Variants in HPGDS observed in about 807,000 individuals in gnomAD.
The protein encoded by HPGDS is GST class-sigma.
A neutral mutation model predicts 23.1 loss-of-function variants in HPGDS; 26 were observed. The observed-to-expected ratio is 1.13, with a 90% CI of 0.83 to 1.56. HPGDS has a LOEUF of 1.56. HPGDS is among the 40% of genes most tolerant of loss of function. The pLI is 0.00. For synonymous variants in HPGDS, 95 were observed against 77.9 expected, an observed-to-expected ratio of 1.22 and a Z score of -1.16; for missense variants, 268 against 236.4, an observed-to-expected ratio of 1.13 and a Z score of -0.88.
At chr4:94,330,859 G>A (rs1756722196) in intron 2 of HPGDS, among the ~76,000 whole-genome samples, 1 of 152,136 alleles carries the variant, frequency 6.6e-6, no homozygotes, top group Non-Finnish European at 1.5e-5. Flanking sequence ...AACTTCAGCC[G>A]AATTAAATTT....
chr4:94,302,748 G>A (rs963508614), intron 4 of HPGDS, among the ~76,000 whole-genome samples: 2 of 151,924 alleles, frequency 1.3e-5, no homozygotes, highest in Admixed American at 6.6e-5. Flanking sequence ...TTTCTCATTG[G>A]ACTACCATTG....
At chr4:94,340,314 T>TTTCTTTTCTTTC (rs1560598050) in intron 1 of HPGDS, among the ~76,000 whole-genome samples, 1 of 11,086 alleles carries the variant, frequency 9.0e-5, no homozygotes, top group Non-Finnish European at 1.7e-4. Context: ...TCTTTCTCTT[T>TTTCTTTTCTTTC]TTTTTTTTTT....
At chr4:94,310,443 A>T (rs1756240956) in intron 3 of HPGDS, among the ~76,000 whole-genome samples, 3 of 152,082 alleles carry the variant, frequency 2.0e-5, no homozygotes, top group Middle Eastern at 3.4e-3. Context: ...ATGGTTGTAG[A>T]TGTGTGGTAT....
At chr4:94,316,121 A>G (rs1285379470) in intron 3 of HPGDS, among the ~76,000 whole-genome samples, 1 of 152,226 alleles carries the variant, frequency 6.6e-6, no homozygotes, top group African/African-American at 2.4e-5. Flanking sequence ...TAGAAGAGGT[A>G]AATTCCTTGC....
At chr4:94,310,086 T>C (rs914549791) in intron 3 of HPGDS, among the ~76,000 whole-genome samples, 1 of 152,132 alleles carries the variant, frequency 6.6e-6, no homozygotes, top group African/African-American at 2.4e-5. Flanking sequence ...AGGTTGCCTG[T>C]TCACTCTGAT....
At chr4:94,336,974 T>C (rs907774096) in intron 1 of HPGDS, among the ~76,000 whole-genome samples, 1 of 131,256 alleles carries the variant, frequency 7.6e-6, no homozygotes, top group Admixed American at 7.4e-5. Context: ...TGTTTCGTTT[T>C]GTTTTGTTGC....
chr4:94,308,071 G>T (rs1190950240), intron 4 of HPGDS, among the ~76,000 whole-genome samples: 1 of 152,092 alleles, frequency 6.6e-6, no homozygotes, highest in Non-Finnish European at 1.5e-5. Flanking sequence ...TACATAATGA[G>T]ATATATAGGG....
At chr4:94,332,208 C>T (rs1191549640) in intron 2 of HPGDS, among the ~76,000 whole-genome samples, 2 of 152,172 alleles carry the variant, frequency 1.3e-5, no homozygotes, top group Non-Finnish European at 2.9e-5. Flanking sequence ...CCTGTCCTCT[C>T]TCCAGCTCCC....
Position 94,299,442 on chromosome 4 carries a change from C to T in HPGDS, c.*38G>A. On this transcript the variant is annotated 3_prime_UTR_variant, in exon 6 of 6. Transcript: ENST00000295256. ...GCTGTCTTATCTGATGAGAGAGATG[C>T]CCCCGAGAAAAACAAACTTGAAGGC... 6.4e-7 allele frequency: 1 copy of T among 1,559,876 alleles called. No individual in the cohort carries two copies. Among genetic ancestry groups the T allele is most frequent in the Non-Finnish European group, 8.7e-7 (1 of 1,148,460 alleles).
chr4:94,334,274 C>A, intron 2 of HPGDS: 1 of 396,894 alleles, frequency 2.5e-6, no homozygotes, highest in Non-Finnish European at 4.4e-6. Flanking sequence ...TCTGCTAAAG[C>A]TTTATACTGG....
At chr4:94,306,665 T>TC (rs1228116267) in intron 4 of HPGDS, among the ~76,000 whole-genome samples, 1 of 152,060 alleles carries the variant, frequency 6.6e-6, no homozygotes, top group Non-Finnish European at 1.5e-5. Flanking sequence ...AGCTGTCCCT[T>TC]CCCCATTCTT....
At chr4:94,340,298 TTTC>T (rs1316475417) in intron 1 of HPGDS, among the ~76,000 whole-genome samples, 7 of 64,020 alleles carry the variant, frequency 1.1e-4, no homozygotes, top group African/African-American at 2.9e-4. Flanking sequence ...TCTTTCTTTC[TTTC>T]TTTCTTTCTC....
At chr4:94,339,878 T>G (rs1257082998) in intron 1 of HPGDS, among the ~76,000 whole-genome samples, 1 of 152,092 alleles carries the variant, frequency 6.6e-6, no homozygotes. Flanking sequence ...TCTCACGAGA[T>G]CTGATCATTT....
At chr4:94,326,413 T>G (rs1756632549) in intron 2 of HPGDS, among the ~76,000 whole-genome samples, 1 of 152,184 alleles carries the variant, frequency 6.6e-6, no homozygotes. Flanking sequence ...TTTCATTCTT[T>G]TATTTTTTTC....
chr4:94,303,698 G>A (rs1433998892), intron 4 of HPGDS: 1 of 152,150 alleles, frequency 6.6e-6, no homozygotes, highest in Non-Finnish European at 1.5e-5. Context: ...GCTCACCTCA[G>A]TTGGCATCAG....
chr4:94,298,909 T>C lies in HPGDS; in HGVS notation c.*571A>G, dbSNP rs1560581760. ...TTGGGGAGTTCCCTCTTTTGATTCA[T>C]TTTTGTAAAATGTCAAAGGGATTTA... On this transcript the variant is annotated 3_prime_UTR_variant, in exon 6 of 6. Transcript: ENST00000295256. 6.6e-6 allele frequency: 1 copy of C among 152,366 alleles called. No homozygotes were observed. The highest frequency in any genetic ancestry group is 1.9e-4 in the East Asian group (1 of 5,176). 9.4% of individuals were successfully genotyped at this position (152,366 alleles called of 1,614,324 possible).
intron 3 of HPGDS, among the ~76,000 whole-genome samples, chr4:94,309,257 C>T (rs1334045484): frequency 1.3e-5 from 2 of 150,756 alleles, no homozygotes; most frequent in Non-Finnish European, 1.5e-5. Context: ...TCTCCTAATG[C>T]TATCCCTCCC....
chr4:94,322,088 C>T (rs1402941475), intron 2 of HPGDS, among the ~76,000 whole-genome samples: 9 of 151,938 alleles, frequency 5.9e-5, no homozygotes, highest in East Asian at 1.9e-4. Context: ...ATATGTTGAA[C>T]GAGCTTTGCA....
rs140417639 is a variant in HPGDS, at chr4:94,299,561, C to G, written c.519G>C (p.Arg173Ser). The G allele has an allele frequency of 9.1e-5, 147 of 1,614,006 alleles. No homozygotes were observed. In the East Asian group the frequency reaches 3.0e-3, roughly 33 times the overall value. ...GGACTTTCTTCCGTAAAGTCACCAG[C>G]CTTGGATGGTTGTCTAACAGGTCAG... The part of the protein sequence containing the change: ...FKPDLLDNHP[R>S]LVTLRKKVQA... The change falls in exon 6 of 6, where the codon AGG becomes AGC. Residue 173 changes from arginine (R) to serine (S), a missense_variant. Physicochemically the swap from Arg to Ser is moderately radical, Grantham distance 110 (BLOSUM62 -1). Transcript: ENST00000295256.
Sources: allele counts gnomAD v4.1 joint callset (sites outside exome capture counted in the v4.1 genomes callset), GRCh38; gene constraint gnomAD v4.1.1; transcripts MANE v1.5; gene names NCBI Gene and HGNC (gene_info 2026-07-23, HGNC 2026-07-21).